The following PAK3 variants were observed in gnomAD, a reference collection of about 807,000 sequenced individuals.
PAK3 encodes p21 (RAC1) activated kinase 3, also known as serine/threonine-protein kinase PAK 3.
PAK3 carries 4 observed loss-of-function variants against 41.0 expected under a neutral mutation model. That is an observed-to-expected ratio of 0.10 (90% confidence interval 0.05 to 0.22). The LOEUF (loss-of-function observed/expected upper bound fraction) is 0.22. PAK3 is among the 10% of genes least tolerant of loss of function. The pLI is 1.00. For synonymous variants in PAK3, 146 were observed against 139.6 expected (o/e 1.05, Z -0.32); for missense variants, 205 against 409.9 (o/e 0.50, Z 4.32).
At chrX:111,004,347 G>A (rs1348537019) in intron 1 of PAK3, among the ~76,000 whole-genome samples, 1 of 112,173 alleles carries the variant, frequency 8.9e-6, no homozygotes, top group Non-Finnish European at 1.9e-5. Flanking sequence ...GAAAGGAACA[G>A]GACGAGAATC....
rs933177637 is a variant in PAK3 at position 111,002,509 on chromosome X, C to T, written c.-28+57881C>T. Among the ~76,000 whole-genome samples the T allele has an allele frequency of 1.1e-4, 12 of 111,589 alleles. No individual in the cohort carries two copies. In the East Asian group the frequency reaches 1.7e-3, roughly 16 times the overall value. The stretch of plus-strand genomic sequence containing the variant: ...CACAAGGATAACTGTTAAGAAGGCC[C>T]GAAGCATGTGGGGCAGCTGGAGCTC... On this transcript the variant is annotated intron_variant, in intron 1 of 14. Transcript: ENST00000425146.
At chrX:111,188,856 A>C (rs999679588) in intron 11 of PAK3, among the ~76,000 whole-genome samples, 1 of 112,506 alleles carries the variant, frequency 8.9e-6, no homozygotes, top group African/African-American at 3.2e-5. Context: ...ACTCTTTTGC[A>C]TCTAAAGGAA....
At chrX:111,214,662 A>G (rs767518825) in intron 16 of PAK3, among the ~76,000 whole-genome samples, 1 of 111,455 alleles carries the variant, frequency 9.0e-6, no homozygotes, top group Non-Finnish European at 1.9e-5. Flanking sequence ...ATTCTGATGC[A>G]TGCTATAAAG....
chrX:111,221,618 AG>A lies in PAK3; in HGVS notation c.*1172del, dbSNP rs1456397360. On this transcript the variant is annotated 3_prime_UTR_variant, in exon 18 of 18. Transcript: ENST00000372007. Reference sequence around the variant, plus strand: ...TTTGACAATTTATAACGTTTAAAAAAGTTTTTTAAAGATCTAGAGAAAGGTG... The same window carrying A: ...TTTGACAATTTATAACGTTTAAAAAATTTTTTAAAGATCTAGAGAAAGGTG... 8.9e-6 allele frequency: 1 copy of A among 112,100 alleles called. No individual in the cohort carries two copies. The highest frequency in any genetic ancestry group is 1.9e-5 in the Non-Finnish European group (1 of 53,169). The allele number at this position is 112,100 out of a possible 1,213,427, so 9.2% of individuals were successfully genotyped here.
chrX:111,057,338 T>C (rs1436349560), intron 1 of PAK3, among the ~76,000 whole-genome samples: 2 of 112,154 alleles, frequency 1.8e-5, no homozygotes, highest in African/African-American at 3.2e-5. Flanking sequence ...TGCATATCCA[T>C]ATGATCACCA....
Position 111,040,759 on chromosome X carries a change from C to G in PAK3, c.-27-82318C>G, listed in dbSNP as rs930553804. ...GTTTTCCTCTGCAACTCTCAGCCCTCTTGTGTTCCACTTGATTCTACCAGT... is the reference window on the plus strand; with the variant it reads ...GTTTTCCTCTGCAACTCTCAGCCCTGTTGTGTTCCACTTGATTCTACCAGT... On this transcript the variant is annotated intron_variant, in intron 1 of 14. Coordinates refer to the PAK3 transcript ENST00000425146. 8.9e-5 allele frequency among the ~76,000 whole-genome samples: 10 copies of G among 112,415 alleles called. No homozygotes were observed. In the East Asian group the frequency reaches 2.0e-3, roughly 22 times the overall value.
At chrX:110,981,641 G>A (rs1047326933) in intron 1 of PAK3, among the ~76,000 whole-genome samples, 8 of 110,799 alleles carry the variant, frequency 7.2e-5, no homozygotes, top group East Asian at 2.8e-4. Context: ...TGAGGAGTAC[G>A]TGGAAATTCC....
chrX:111,124,506 T>C (rs2093620951), intron 5 of PAK3, among the ~76,000 whole-genome samples: 1 of 112,003 alleles, frequency 8.9e-6, no homozygotes, highest in African/African-American at 3.2e-5. Flanking sequence ...GCAGCTCTCA[T>C]GTTGTATTCA....
At chrX:111,209,291 C>T (rs764975142) in intron 16 of PAK3, among the ~76,000 whole-genome samples, 1 of 111,728 alleles carries the variant, frequency 9.0e-6, no homozygotes, top group Non-Finnish European at 1.9e-5. Context: ...TGGGCAAGTT[C>T]TTCTTATCTC....
At chrX:111,061,857 C>T (rs1037842606) in intron 1 of PAK3, among the ~76,000 whole-genome samples, 1 of 110,650 alleles carries the variant, frequency 9.0e-6, no homozygotes, top group Non-Finnish European at 1.9e-5. Flanking sequence ...CTTTGTTGCC[C>T]AGGCTAGAAT....
upstream of PAK3, among the ~76,000 whole-genome samples, chrX:111,093,594 T>C (rs2092946096): frequency 1.8e-5 from 2 of 112,288 alleles, no homozygotes; most frequent in Non-Finnish European, 3.8e-5. Context: ...GACTGCTTTC[T>C]CGTATCAAGA....
chrX:110,989,516 A>G (rs1296792887), intron 1 of PAK3, among the ~76,000 whole-genome samples: 2 of 111,824 alleles, frequency 1.8e-5, no homozygotes, highest in Non-Finnish European at 3.8e-5. Context: ...AATGTCGGTT[A>G]CCAGTTCATA....
At chrX:111,018,754 T>A (rs1381775680) in intron 1 of PAK3, among the ~76,000 whole-genome samples, 1 of 111,655 alleles carries the variant, frequency 9.0e-6, no homozygotes, top group Non-Finnish European at 1.9e-5. Context: ...CTAAAATTTA[T>A]ATGGAATCTC....
rs778609874 is a variant in PAK3 at position 111,003,568 on chromosome X, G to A, written c.-28+58940G>A. On this transcript the variant is annotated intron_variant, in intron 1 of 14. Coordinates refer to the PAK3 transcript ENST00000425146. Reference sequence around the variant, plus strand: ...CAGTTTCTTTTAGGACAGCTTGGAGGTGGGAGGGAGAAGGGAACTTACACA... The same window carrying A: ...CAGTTTCTTTTAGGACAGCTTGGAGATGGGAGGGAGAAGGGAACTTACACA... 2.1e-4 allele frequency among the ~76,000 whole-genome samples: 23 copies of A among 111,706 alleles called. No homozygotes were observed. In the South Asian group the frequency reaches 8.7e-3, roughly 42 times the overall value.
At chrX:111,168,212 T>A (rs1473301368) in intron 10 of PAK3, among the ~76,000 whole-genome samples, 4 of 112,237 alleles carry the variant, frequency 3.6e-5, no homozygotes, top group Non-Finnish European at 7.5e-5. Flanking sequence ...ACTCATATCA[T>A]GAATGCTATT....
intron 1 of PAK3, among the ~76,000 whole-genome samples, chrX:111,059,748 C>A (rs904358761): frequency 9.0e-6 from 1 of 111,650 alleles, no homozygotes; most frequent in Non-Finnish European, 1.9e-5. Flanking sequence ...TTGTTTATTG[C>A]TAATTCATAG....
chrX:111,088,026 G>GGAATCTGA (rs1569310219), intron 1 of PAK3, among the ~76,000 whole-genome samples: 1 of 110,559 alleles, frequency 9.0e-6, no homozygotes, highest in African/African-American at 3.3e-5. Context: ...GCTGCACATC[G>GGAATCTGA]GAATCTGAGA....
chrX:111,144,985 C>T, intron 6 of PAK3: 2 of 654,489 alleles, frequency 3.1e-6, no homozygotes, highest in South Asian at 2.5e-5. Flanking sequence ...TTATATCGTG[C>T]TGCCATTCTC....
At chrX:111,198,122 T>C (rs2149337330) in intron 16 of PAK3, among the ~76,000 whole-genome samples, 1 of 112,778 alleles carries the variant, frequency 8.9e-6, no homozygotes, top group African/African-American at 3.2e-5. Flanking sequence ...GGCACATGTA[T>C]GTCTTCTTTT....
Sources: allele counts gnomAD v4.1 joint callset (sites outside exome capture counted in the v4.1 genomes callset), GRCh38; gene constraint gnomAD v4.1.1; transcripts MANE v1.5; gene names NCBI Gene and HGNC (gene_info 2026-07-23, HGNC 2026-07-21).